NHLRC2: variants seen among roughly 807,000 people sequenced by gnomAD.
The protein encoded by NHLRC2 is NHL repeat-containing protein 2.
NHLRC2 carries 33 observed loss-of-function variants against 68.1 expected under a neutral mutation model. The ratio of observed to expected loss-of-function variants is 0.48; its 90% CI spans 0.37 to 0.65. The LOEUF (loss-of-function observed/expected upper bound fraction) is 0.65. NHLRC2 is among the 30% of genes least tolerant of loss of function. The pLI is 0.00. For missense variants in NHLRC2, 761 were observed against 853.8 expected, an observed-to-expected ratio of 0.89 and a Z score of 1.35; for synonymous variants, 311 against 309.6, an observed-to-expected ratio of 1.00 and a Z score of -0.05.
intron 7 of NHLRC2, among the ~76,000 whole-genome samples, chr10:113,902,223 G>T (rs1039663425): frequency 1.3e-5 from 2 of 152,134 alleles, no homozygotes; most frequent in Non-Finnish European, 2.9e-5. Context: ...TAGTGGACTT[G>T]ACCTATTCCT....
At chr10:113,894,124 CAT>C (rs1477161148) in intron 5 of NHLRC2, among the ~76,000 whole-genome samples, 1 of 152,078 alleles carries the variant, frequency 6.6e-6, no homozygotes, top group African/African-American at 2.4e-5. Flanking sequence ...TCATGTGTGA[CAT>C]GTGAGAAAAA....
chr10:113,868,745 G>C (rs1845894065), intron 2 of NHLRC2, among the ~76,000 whole-genome samples: 1 of 152,086 alleles, frequency 6.6e-6, no homozygotes, highest in African/African-American at 2.4e-5. Flanking sequence ...AAAAATTACA[G>C]GCTGCTATGA....
intron 2 of NHLRC2, among the ~76,000 whole-genome samples, chr10:113,872,525 TAGTC>T (rs745643880): frequency 4.0e-4 from 61 of 152,114 alleles, no homozygotes; most frequent in Middle Eastern, 3.4e-3. Flanking sequence ...TAAATATCCT[TAGTC>T]AGCATTTAGG....
At chr10:113,903,796 C>A in intron 9 of NHLRC2, 60 bp downstream of exon 9, 2 of 989,426 alleles carry the variant, frequency 2.0e-6, no homozygotes, top group Non-Finnish European at 3.2e-6. Context: ...CTAAGATCCT[C>A]ACAGCACTGA....
Position 113,903,682 on chromosome 10 carries a change from C to T in NHLRC2, c.1650C>T (p.Asp550=). 2 of 1,598,762 alleles carry T rather than the reference C, an allele frequency of 1.3e-6. No individual in the cohort carries two copies. Among genetic ancestry groups the T allele is most frequent in the Non-Finnish European group, 1.7e-6 (2 of 1,166,254 alleles). Reference sequence around the variant, plus strand: ...ATGGAGAATTATTATATGTAGCAGACACCAATAATCATCAAATTAAAGTGA... The same window carrying T: ...ATGGAGAATTATTATATGTAGCAGATACCAATAATCATCAAATTAAAGTGA... ...GENGELLYVA[D]TNNHQIKVMD... Residue 550 remains aspartate, a synonymous_variant, in exon 9 of 11, where the codon GAC becomes GAT. Coordinates refer to ENST00000369301, the MANE Select transcript of NHLRC2 (RefSeq NM_198514.4).
Position 113,854,979 on chromosome 10 carries a change from G to A in NHLRC2, c.107G>A (p.Ser36Asn), listed in dbSNP as rs1319104603. Residue 36 changes from serine to asparagine, a missense_variant, in exon 1 of 11, where the codon AGC (serine) becomes AAC (asparagine). Ser to Asn is a conservative substitution (Grantham distance 46, BLOSUM62 1). Coordinates refer to ENST00000369301, the MANE Select transcript of NHLRC2 (RefSeq NM_198514.4). ...LDAVTQQEKD[S>N]LVYQYLQKVD... ...GCCGTTACCCAGCAGGAGAAGGACA[G>A]CCTGGTCTACCAGTATCTGCAGAAG... 4 of 1,553,570 alleles carry A rather than the reference G, an allele frequency of 2.6e-6. No individual in the cohort carries two copies. In the South Asian group the frequency reaches 3.6e-5, roughly 14 times the overall value.
At chr10:113,880,787 T>G (rs957563742) in intron 4 of NHLRC2, among the ~76,000 whole-genome samples, 2 of 151,948 alleles carry the variant, frequency 1.3e-5, no homozygotes, top group South Asian at 4.1e-4. Flanking sequence ...TGGATGAATT[T>G]ATGAGCAAAT....
intron 5 of NHLRC2, among the ~76,000 whole-genome samples, chr10:113,886,391 T>G (rs1452178454): frequency 6.6e-6 from 1 of 152,118 alleles, no homozygotes; most frequent in African/African-American, 2.4e-5. Flanking sequence ...AAAACTATCT[T>G]AAAATGTGTA....
At chr10:113,884,494 T>C (rs1415115734) in intron 5 of NHLRC2, 114 bp downstream of exon 5, 1 of 752,466 alleles carries the variant, frequency 1.3e-6, no homozygotes, top group East Asian at 3.2e-5. Context: ...TTTTATACTT[T>C]TATACCTATG....
At chr10:113,886,445 GAAAGAACAA>G in intron 5 of NHLRC2, among the ~76,000 whole-genome samples, 1 of 152,100 alleles carries the variant, frequency 6.6e-6, no homozygotes, top group Non-Finnish European at 1.5e-5. Flanking sequence ...GTCTTGAGCA[GAAAGAACAA>G]AGCTGGAAGC....
Position 113,908,350 on chromosome 10 carries a change from T to G in NHLRC2, c.1995T>G (p.Ile665Met), listed in dbSNP as rs550282718. 1.1e-5 allele frequency: 17 copies of G among 1,613,910 alleles called. No homozygotes were observed. The African/African-American group carries it at 2.1e-4, about 20-fold the overall frequency. Reference sequence around the variant, plus strand: ...AGAACATTTCCAGTCAACCAACAATTTCACTACAAATTCCTGATGATTGCT... The same window carrying G: ...AGAACATTTCCAGTCAACCAACAATGTCACTACAAATTCCTGATGATTGCT... ...DIENISSQPT[I>M]SLQIPDDCLS... Residue 665 changes from isoleucine to methionine, a missense_variant, in exon 11 of 11, where the codon ATT becomes ATG. Ile to Met is a conservative substitution (Grantham distance 10, BLOSUM62 1). Transcript: ENST00000369301.
At chr10:113,887,573 C>T (rs1288781767) in intron 5 of NHLRC2, among the ~76,000 whole-genome samples, 1 of 151,850 alleles carries the variant, frequency 6.6e-6, no homozygotes, top group East Asian at 1.9e-4. Flanking sequence ...AGTTCAAGAC[C>T]AGCCTCGCCA....
chr10:113,902,768 G>T (rs1846239977), intron 8 of NHLRC2, among the ~76,000 whole-genome samples, 175 bp downstream of exon 8: 1 of 152,174 alleles, frequency 6.6e-6, no homozygotes, highest in Non-Finnish European at 1.5e-5. Context: ...TTGCCAAGAG[G>T]TTATGATGGT....
chr10:113,895,085 G>A (rs1475619375), intron 5 of NHLRC2, among the ~76,000 whole-genome samples: 1 of 152,064 alleles, frequency 6.6e-6, no homozygotes, highest in African/African-American at 2.4e-5. Context: ...TTTTAGGGTG[G>A]GCTGCCACTC....
rs1452467626 is a variant in NHLRC2 at position 113,876,961 on chromosome 10, C to G, written c.772C>G (p.Gln258Glu). The G allele has an allele frequency of 1.3e-6, 2 of 1,589,222 alleles. No homozygotes were observed. The highest frequency in any genetic ancestry group is 1.7e-6 in the Non-Finnish European group (2 of 1,169,450). ...GGTCGTTTGGAAGAATGGACAAATT[C>G]AATATAGCATTGGAGGTAAAACTTG... Reference protein sequence around the residue: ...ILVVWKNGQIQYSIGGPNPGR... With the variant: ...ILVVWKNGQIEYSIGGPNPGR... Residue 258 changes from glutamine (Q) to glutamate (E), a missense_variant, in exon 3 of 11, where the codon CAA becomes GAA. By Grantham distance (29) the Gln-to-Glu change is conservative. Transcript: ENST00000369301.
At position 113,915,672 on chromosome 10, in the gene NHLRC2, GT is replaced by G; in HGVS notation, c.*7138del. Reference sequence around the variant, plus strand: ...TTTTTAAGAGATAGGGTCTTGCTGTGTTGCCCAGGCTAGAGTGCAGCAGTGA... The same window carrying G: ...TTTTTAAGAGATAGGGTCTTGCTGTGTGCCCAGGCTAGAGTGCAGCAGTGA... On this transcript the variant is annotated 3_prime_UTR_variant, in exon 11 of 11. Coordinates refer to ENST00000369301, the MANE Select transcript of NHLRC2 (RefSeq NM_198514.4). The G allele has an allele frequency of 4.6e-6, 1 of 217,132 alleles. No homozygotes were observed. Among genetic ancestry groups the G allele is most frequent in the Non-Finnish European group, 9.1e-6 (1 of 109,504 alleles). 13.5% of individuals were successfully genotyped at this position (217,132 alleles called of 1,614,324 possible).
intron 2 of NHLRC2, among the ~76,000 whole-genome samples, chr10:113,861,333 G>A (rs1845814381): frequency 6.6e-6 from 1 of 152,178 alleles, no homozygotes; most frequent in African/African-American, 2.4e-5. Context: ...TAAACTCCAA[G>A]TAGGATGAAC....
At chr10:113,901,367 AT>A (rs1389446879) in intron 6 of NHLRC2, among the ~76,000 whole-genome samples, 2 of 152,192 alleles carry the variant, frequency 1.3e-5, no homozygotes, top group Non-Finnish European at 1.5e-5. Context: ...CAATAATCTG[AT>A]CATTATTTTT....
intron 9 of NHLRC2, 110 bp downstream of exon 9, chr10:113,903,846 A>G: frequency 1.5e-6 from 1 of 689,324 alleles, no homozygotes; most frequent in Admixed American, 2.5e-5. Context: ...GGAGAGTATT[A>G]AGTGGATGCT....
Sources: allele counts gnomAD v4.1 joint callset (sites outside exome capture counted in the v4.1 genomes callset), GRCh38; gene constraint gnomAD v4.1.1; transcripts MANE v1.5; gene names NCBI Gene and HGNC (gene_info 2026-07-23, HGNC 2026-07-21).